Variants in SLC47A2 observed in about 807,000 individuals in gnomAD.
The protein encoded by SLC47A2 is solute carrier family 47 member 2.
A neutral mutation model predicts 67.7 loss-of-function variants in SLC47A2; 52 were observed. That is an observed-to-expected ratio of 0.77 (90% confidence interval 0.61 to 0.97). SLC47A2 has a LOEUF of 0.97. Among genes scored for constraint, SLC47A2 ranks in the 50% least tolerant of loss-of-function variants. The probability of loss-of-function intolerance (pLI) is 0.00; values close to 1 mark genes in which losing one functional copy is unlikely to be tolerated. For synonymous variants in SLC47A2, 278 were observed against 292.9 expected, an observed-to-expected ratio of 0.95 and a Z score of 0.52; for missense variants, 676 against 712.3, an observed-to-expected ratio of 0.95 and a Z score of 0.58.
chr17:19,694,830 C>T (rs1281979184), intron 13 of SLC47A2, among the ~76,000 whole-genome samples: 1 of 151,120 alleles, frequency 6.6e-6, no homozygotes, highest in Non-Finnish European at 1.5e-5. Context: ...GCAGAAGAAT[C>T]GCTTGAACCC....
In SLC47A2 at chr17:19,713,233, C is replaced by T. The variant is rs147782653; in HGVS notation, c.444-488G>A. 8.2e-3 allele frequency among the ~76,000 whole-genome samples: 1,252 copies of T among 152,048 alleles called. 16 individuals are homozygous for T. Among genetic ancestry groups the T allele is most frequent in the African/African-American group, 0.029 (1,191 of 41,462 alleles). On this transcript the variant is annotated intron_variant, in intron 4 of 16. Coordinates refer to ENST00000433844, the MANE Select transcript of SLC47A2 (RefSeq NM_001099646.3). Reference sequence around the variant, plus strand: ...TGAAACCCCGTTTCTACTAAAAATACAAAAATTAGCCTGGTGTGGTGGCAC... The same window carrying T: ...TGAAACCCCGTTTCTACTAAAAATATAAAAATTAGCCTGGTGTGGTGGCAC...
chr17:19,715,512 A>G (rs906372265), intron 1 of SLC47A2, among the ~76,000 whole-genome samples: 6 of 152,168 alleles, frequency 3.9e-5, no homozygotes, highest in Non-Finnish European at 5.9e-5. Context: ...TGCAGTTCCT[A>G]TTATAACAAT....
intron 13 of SLC47A2, chr17:19,702,139 C>T (rs1033876848): frequency 2.0e-6 from 2 of 984,716 alleles, no homozygotes; most frequent in Non-Finnish European, 2.4e-6. Context: ...TAATTCAAAT[C>T]TGTGTTAAAT....
Position 19,716,264 on chromosome 17 carries a change from A to G in SLC47A2, c.123+169T>C. The stretch of plus-strand genomic sequence containing the variant: ...CACTGCCACTGGGGATTGTCCAGAG[A>G]CAGCTTTCAGGAGCCATCCTGCTGT... On this transcript the variant is annotated intron_variant, in intron 1 of 16. Coordinates refer to ENST00000433844, the MANE Select transcript of SLC47A2 (RefSeq NM_001099646.3). The G allele has an allele frequency of 3.7e-6, 4 of 1,093,816 alleles. No individual in the cohort carries two copies. In the South Asian group the frequency reaches 5.2e-5, roughly 14 times the overall value. 67.8% of individuals were successfully genotyped at this position (1,093,816 alleles called of 1,614,324 possible).
Position 19,681,782 on chromosome 17 carries a change from C to T in SLC47A2, c.1165-112G>A, listed in dbSNP as rs1222618224. 5 of 1,345,228 alleles carry T rather than the reference C, an allele frequency of 3.7e-6. No homozygotes were observed. The African/African-American group carries it at 4.4e-5, about 12-fold the overall frequency. 83.3% of individuals were successfully genotyped at this position (1,345,228 alleles called of 1,614,324 possible). On this transcript the variant is annotated intron_variant, in intron 13 of 16. Coordinates refer to ENST00000433844, the MANE Select transcript of SLC47A2 (RefSeq NM_001099646.3). The stretch of plus-strand genomic sequence containing the variant: ...GCATGGCATTGCTTCACTGAGTTCT[C>T]ACAGCACTGGATGGGTGCCCTTATC...
chr17:19,704,549 G>GA, intron 10 of SLC47A2: 1 of 1,213,980 alleles, frequency 8.2e-7, no homozygotes. Context: ...TATTTCAGCA[G>GA]AAACCACTTG....
rs974291643 is a variant in SLC47A2, at chr17:19,685,086, A to G, written c.1165-3416T>C. Among the ~76,000 whole-genome samples the G allele has an allele frequency of 1.3e-5, 2 of 151,902 alleles. No individual in the cohort carries two copies. Among genetic ancestry groups the G allele is most frequent in the African/African-American group, 4.9e-5 (2 of 41,200 alleles). On this transcript the variant is annotated intron_variant, in intron 13 of 16. Transcript: ENST00000433844. This position sits in a 1 kb window ranked among gnomAD's most constrained non-coding sequence, Gnocchi z 4.5. ...GCCTCCAGCTCCTAGCCTCGGGTGA[A>G]GTGCCCGCCTCGGCCTCCTGAGGTG... is the stretch of plus-strand genomic sequence containing the variant.
chr17:19,710,114 G>C (rs2152358369), intron 5 of SLC47A2, among the ~76,000 whole-genome samples: 1 of 152,206 alleles, frequency 6.6e-6, no homozygotes, highest in South Asian at 2.1e-4. Flanking sequence ...CATTCCCCCT[G>C]GTGCCATGGA....
intron 13 of SLC47A2, among the ~76,000 whole-genome samples, chr17:19,698,080 G>A (rs977627433): frequency 6.6e-6 from 1 of 152,122 alleles, no homozygotes; most frequent in Non-Finnish European, 1.5e-5. Context: ...CCAGCAGCTT[G>A]TTTTGTAGAT....
At chr17:19,712,664 G>T (rs2086131889) in intron 5 of SLC47A2, 39 bp downstream of exon 5, 1 of 1,606,226 alleles carries the variant, frequency 6.2e-7, no homozygotes, top group Non-Finnish European at 8.5e-7. Flanking sequence ...CAGAATTTAG[G>T]GGAATGTGAT....
At position 19,714,736 on chromosome 17, in the gene SLC47A2, G is replaced by A. The variant is rs771794471; in HGVS notation, c.279C>T (p.Asp93=). The A allele has an allele frequency of 6.2e-7, 1 of 1,614,124 alleles. No homozygotes were observed. Among genetic ancestry groups the A allele is most frequent in the South Asian group, 1.1e-5 (1 of 91,084 alleles). ...SVGVGLSSAC[D]TLMSQSFGSP... The stretch of plus-strand genomic sequence containing the variant: ...GGCCACCCACCTGAGACATCAAGGT[G>A]TCACATGCCGAAGACAAACCAACTC... The change falls in exon 3 of 17, where the codon GAC becomes GAT. Residue 93 remains aspartate, a synonymous_variant. Coordinates refer to ENST00000433844, the MANE Select transcript of SLC47A2 (RefSeq NM_001099646.3).
chr17:19,684,024 A>G (rs1278858823), intron 13 of SLC47A2, among the ~76,000 whole-genome samples: 2 of 152,218 alleles, frequency 1.3e-5, no homozygotes, highest in African/African-American at 2.4e-5. Context: ...CACATGCAGC[A>G]TTCTCCAGGA....
chr17:19,712,879 A>G (rs1243555240), intron 4 of SLC47A2, 134 bp from the exon 5 acceptor site: 2 of 784,794 alleles, frequency 2.5e-6, no homozygotes, highest in Non-Finnish European at 2.1e-6. Context: ...AAACCTCAGC[A>G]TCAGGGGCTG....
chr17:19,706,839 C>T (rs571436450), intron 8 of SLC47A2, 78 bp from the exon 9 acceptor site: 4 of 1,126,094 alleles, frequency 3.6e-6, no homozygotes, highest in Non-Finnish European at 5.1e-6. Context: ...CCAGGAGGCC[C>T]CTAAACCCCT....
At chr17:19,701,033 G>A (rs1204886051) in intron 13 of SLC47A2, among the ~76,000 whole-genome samples, 2 of 151,174 alleles carry the variant, frequency 1.3e-5, no homozygotes, top group Admixed American at 6.6e-5. Context: ...CCAGGCATGG[G>A]GGTGCATGCC....
At chr17:19,706,341 C>T (rs889928010) in intron 9 of SLC47A2, among the ~76,000 whole-genome samples, 16 of 152,226 alleles carry the variant, frequency 1.1e-4, no homozygotes, top group South Asian at 2.1e-4. Context: ...GCCTCAGCCA[C>T]CTCCCACGGG....
chr17:19,711,502 T>C (rs1195293364), intron 5 of SLC47A2, among the ~76,000 whole-genome samples: 2 of 146,376 alleles, frequency 1.4e-5, no homozygotes, highest in East Asian at 2.0e-4. Flanking sequence ...TGAGGCAGAA[T>C]TGCTTGAATC....
chr17:19,682,366 A>ACACAC lies in SLC47A2; in HGVS notation c.1165-697_1165-696insGTGTG, dbSNP rs1555537233. ...ACACACACACACACACACACACACA[A>ACACAC]ATTTATTATTTTATTTTACAGTTCT... is the stretch of plus-strand genomic sequence containing the variant. On this transcript the variant is annotated intron_variant, in intron 13 of 16. Transcript: ENST00000433844. Among the ~76,000 whole-genome samples the ACACAC allele has an allele frequency of 2.3e-4, 22 of 96,156 alleles. No homozygotes were observed. In the East Asian group the frequency reaches 4.9e-3, roughly 21 times the overall value. 63.1% of individuals were successfully genotyped at this position (96,156 alleles called of 152,430 possible). A position where few individuals can be genotyped will look rare whatever the true frequency, so the allele number is the denominator to read the frequency against.
At chr17:19,683,969 G>A (rs917204395) in intron 13 of SLC47A2, among the ~76,000 whole-genome samples, 2 of 152,194 alleles carry the variant, frequency 1.3e-5, no homozygotes, top group African/African-American at 2.4e-5. Context: ...CACAGAATCA[G>A]TCTAAGCAAG....
Sources: allele counts gnomAD v4.1 joint callset (sites outside exome capture counted in the v4.1 genomes callset), GRCh38; gene constraint gnomAD v4.1.1; non-coding constraint Gnocchi (gnomAD v3.1); transcripts MANE v1.5; gene names NCBI Gene and HGNC (gene_info 2026-07-23, HGNC 2026-07-21).